The following DPF1 variants were observed in gnomAD, a reference collection of about 807,000 sequenced individuals.
DPF1 encodes the protein zinc finger protein neuro-d4.
Under a neutral mutation model 58.7 loss-of-function variants are expected in DPF1, and 14 were observed. The observed-to-expected ratio is 0.24, with a 90% CI of 0.16 to 0.37. The LOEUF (loss-of-function observed/expected upper bound fraction) is 0.37, where lower values mean the gene tolerates loss of function less well. DPF1 is among the 10% of genes least tolerant of loss of function. The pLI is 1.00. For missense variants in DPF1, 345 were observed against 529.9 expected, an observed-to-expected ratio of 0.65 and a Z score of 3.43; for synonymous variants, 216 against 216.0, an observed-to-expected ratio of 1.00 and a Z score of 0.00.
At chr19:38,215,447 C>T (rs1322117472) in intron 9 of DPF1, among the ~76,000 whole-genome samples, 1 of 152,002 alleles carries the variant, frequency 6.6e-6, no homozygotes, top group Admixed American at 6.6e-5. Context: ...GAGCCAAGAT[C>T]ATGCCAATGC....
intron 7 of DPF1, among the ~76,000 whole-genome samples, chr19:38,217,176 G>A (rs1328991295): frequency 6.6e-6 from 1 of 152,182 alleles, no homozygotes; most frequent in Admixed American, 6.5e-5. Context: ...AGGAGAAAGG[G>A]AAGGCAGGGC....
intron 3 of DPF1, 124 bp from the exon 4 acceptor site, chr19:38,219,182 C>A: frequency 7.1e-7 from 1 of 1,411,924 alleles, no homozygotes; most frequent in Non-Finnish European, 9.6e-7. Flanking sequence ...AGGATTTAAC[C>A]ACATGCCCTA....
intron 9 of DPF1, 83 bp from the exon 10 acceptor site, chr19:38,213,839 C>G: frequency 1.0e-5 from 12 of 1,185,664 alleles, no homozygotes; most frequent in Non-Finnish European, 1.3e-5. Context: ...CATAGCTCAG[C>G]CCCTACCCCT....
At chr19:38,212,237 T>TGGGGGGGGGGGCCCC in intron 11 of DPF1, 43 bp downstream of exon 11, 2 of 1,256,816 alleles carry the variant, frequency 1.6e-6, no homozygotes, top group Non-Finnish European at 2.2e-6. Flanking sequence ...GGAGATGGCG[T>TGGGGGGGGGGGCCCC]TCCCACCCAC....
At chr19:38,223,560 A>C (rs1029348483) in intron 1 of DPF1, among the ~76,000 whole-genome samples, 1 of 152,164 alleles carries the variant, frequency 6.6e-6, no homozygotes. Context: ...TTACACACAA[A>C]TACACGCAGC....
chr19:38,224,149 C>T lies in DPF1; in HGVS notation c.-7G>A, dbSNP rs748051702. ...CAGGGATGACAGTGGCCATCTTGCT[C>T]CCCGGGTCCTGCCCCCAGCAGGTCC... On this transcript the variant is annotated 5_prime_UTR_variant, in exon 1 of 12. Transcript: ENST00000355526. This position sits in a 1 kb window ranked among gnomAD's most constrained non-coding sequence, Gnocchi z 4.5. 21 of 1,475,296 alleles carry T rather than the reference C, an allele frequency of 1.4e-5. No individual in the cohort carries two copies. The highest frequency in any genetic ancestry group is 1.9e-5 in the Non-Finnish European group (21 of 1,122,190). The allele number at this position is 1,475,296 out of a possible 1,614,324, so 91.4% of individuals were successfully genotyped here.
chr19:38,213,983 C>G, intron 9 of DPF1: 2 of 543,330 alleles, frequency 3.7e-6, no homozygotes, highest in Non-Finnish European at 6.7e-6. Flanking sequence ...ACACTCTGCT[C>G]CCCAGAACGC....
chr19:38,229,063 C>G (rs978502662), upstream of DPF1, among the ~76,000 whole-genome samples: 1 of 151,858 alleles, frequency 6.6e-6, no homozygotes, highest in Middle Eastern at 3.2e-3. This position sits in a 1 kb window ranked among gnomAD's most constrained non-coding sequence, Gnocchi z 5.3. Context: ...GGACCCCCGA[C>G]GTCTCAGCTC....
At chr19:38,215,016 A>AG (rs200548028) in intron 9 of DPF1, among the ~76,000 whole-genome samples, 29,695 of 150,578 alleles carry the variant, frequency 0.2, 3,064 homozygotes, top group African/African-American at 0.26. Context: ...TTGTATTTTT[A>AG]TAGAGATGGG....
chr19:38,224,061 G>A lies in DPF1; in HGVS notation c.29+53C>T. The A allele has an allele frequency of 6.7e-7, 1 of 1,483,298 alleles. No individual in the cohort carries two copies. The highest frequency in any genetic ancestry group is 8.9e-7 in the Non-Finnish European group (1 of 1,129,840). The allele number at this position is 1,483,298 out of a possible 1,614,324, so 91.9% of individuals were successfully genotyped here. On this transcript the variant is annotated intron_variant, in intron 1 of 11. Transcript: ENST00000355526. The surrounding 1 kb of genome is among the most constrained non-coding windows in gnomAD (Gnocchi z 4.5). ...ACCCCCGGTCGCCACACACACACAG[G>A]CCCGCGTAGACCCGCCCGCGCTTCC... is the stretch of plus-strand genomic sequence containing the variant.
intron 7 of DPF1, 65 bp downstream of exon 7, chr19:38,217,395 C>CCCCCCCGGGGG: frequency 8.7e-7 from 1 of 1,150,382 alleles, no homozygotes; most frequent in Non-Finnish European, 1.2e-6. Context: ...ACCCCCACCC[C>CCCCCCCGGGGG]CAGCTGGGCT....
upstream of DPF1, among the ~76,000 whole-genome samples, chr19:38,224,917 G>A (rs988531517): frequency 6.6e-6 from 1 of 152,226 alleles, no homozygotes; most frequent in Non-Finnish European, 1.5e-5. This position sits in a 1 kb window ranked among gnomAD's most constrained non-coding sequence, Gnocchi z 4.5. Flanking sequence ...CTGGAGTGTT[G>A]TGAGGATTAA....
In DPF1 at chr19:38,218,648, C is replaced by A. The variant is rs1224177435; in HGVS notation, c.441G>T (p.Leu147=). The A allele has an allele frequency of 3.1e-6, 5 of 1,614,116 alleles. No individual in the cohort carries two copies. The highest frequency in any genetic ancestry group is 1.6e-4 in the Middle Eastern group (1 of 6,084). ...TIMDCQKQQL[L]EFPHDLEVED... ...CCACCTCGAGGTCATGCGGAAACTC[C>A]AGCAACTGCTGTTTCTGGGCAATAG... The change falls in exon 5 of 12, where the codon CTG becomes CTT. Residue 147 remains leucine, a synonymous_variant. Coordinates refer to ENST00000355526, the MANE Select transcript of DPF1 (RefSeq NM_001135155.3).
chr19:38,222,633 G>C lies in DPF1; in HGVS notation c.105C>G (p.Ser35Arg). 1 of 1,610,500 alleles carries C rather than the reference G, an allele frequency of 6.2e-7. No homozygotes were observed. The highest frequency in any genetic ancestry group is 8.5e-7 in the Non-Finnish European group (1 of 1,178,666). ...SYNARLCAER[S>R]LRLPFLDSQT... ...GCGAGTCGAGGAAGGGCAGTCGCAG[G>C]CTGCGCTCGGCGCACAGGCGCGCGT... Residue 35 changes from serine to arginine, a missense_variant, in exon 2 of 12, where the codon AGC (serine) becomes AGG (arginine). Coordinates refer to ENST00000355526, the MANE Select transcript of DPF1 (RefSeq NM_001135155.3). This position sits in a 1 kb window ranked among gnomAD's most constrained non-coding sequence, Gnocchi z 4.9.
intron 10 of DPF1, among the ~76,000 whole-genome samples, chr19:38,213,080 T>C (rs919815217): frequency 6.0e-5 from 9 of 150,976 alleles, no homozygotes; most frequent in African/African-American, 2.2e-4. Flanking sequence ...CTCCACCTCC[T>C]GGGCTCAAGC....
chr19:38,214,281 A>C (rs12610840), intron 9 of DPF1, among the ~76,000 whole-genome samples: 36,121 of 152,116 alleles, frequency 0.24, 4,543 homozygotes, highest in East Asian at 0.46. Flanking sequence ...CTCACATCAC[A>C]GCACTGTGCA....
chr19:38,226,571 G>A (rs1600293329), upstream of DPF1, among the ~76,000 whole-genome samples: 5 of 141,002 alleles, frequency 3.5e-5, no homozygotes, highest in Admixed American at 2.8e-4. Context: ...CCACAAACTC[G>A]CCCATCTAAG....
At chr19:38,218,873 G>A (rs1024845937) in intron 4 of DPF1, 58 bp downstream of exon 4, 1 of 1,603,878 alleles carries the variant, frequency 6.2e-7, no homozygotes, top group Admixed American at 1.7e-5. Flanking sequence ...GCCCGGGCTG[G>A]TGGCAGGCAG....
chr19:38,215,618 T>C (rs1434517571), intron 9 of DPF1, among the ~76,000 whole-genome samples: 2 of 152,148 alleles, frequency 1.3e-5, no homozygotes, highest in Non-Finnish European at 2.9e-5. Context: ...TTTTTATATA[T>C]AGATGGGATC....
Sources: allele counts gnomAD v4.1 joint callset (sites outside exome capture counted in the v4.1 genomes callset), GRCh38; gene constraint gnomAD v4.1.1; non-coding constraint Gnocchi (gnomAD v3.1); transcripts MANE v1.5; gene names NCBI Gene and HGNC (gene_info 2026-07-23, HGNC 2026-07-21).